Variants in RBM23 observed in about 807,000 individuals in gnomAD.
RBM23 encodes RNA binding motif protein 23, also known as probable RNA-binding protein 23.
A neutral mutation model predicts 56.2 loss-of-function variants in RBM23; 53 were observed. The ratio of observed to expected loss-of-function variants is 0.94; its 90% CI spans 0.76 to 1.19. The LOEUF is 1.19. RBM23 is among the 50% of genes most tolerant of loss of function. The probability of loss-of-function intolerance (pLI) is 0.00; values close to 1 mark genes in which losing one functional copy is unlikely to be tolerated. For missense variants in RBM23, 642 were observed against 590.3 expected (o/e 1.09, Z -0.91); for synonymous variants, 197 against 198.5 (o/e 0.99, Z 0.06).
chr14:22,916,877 T>C (rs759025473), intron 1 of RBM23, among the ~76,000 whole-genome samples: 8 of 151,364 alleles, frequency 5.3e-5, no homozygotes, highest in Non-Finnish European at 8.8e-5. Flanking sequence ...AGTTTGTTTT[T>C]GTTTTTTTTT....
chr14:22,901,784 G>A lies in RBM23; in HGVS notation c.1316+30C>T, dbSNP rs537873603. 7.4e-6 allele frequency: 12 copies of A among 1,614,056 alleles called. No homozygotes were observed. The African/African-American group carries it at 1.6e-4, about 22-fold the overall frequency. On this transcript the variant is annotated intron_variant, in intron 13 of 13. Transcript: ENST00000359890. ...AGCCAAAGGAAAGAGAATAATCAAAGGCTAGAATGAGCTAGACCCTGAGAC... is the reference window on the plus strand; with the variant it reads ...AGCCAAAGGAAAGAGAATAATCAAAAGCTAGAATGAGCTAGACCCTGAGAC...
intron 4 of RBM23, among the ~76,000 whole-genome samples, chr14:22,907,701 G>A (rs1249175368): frequency 1.3e-5 from 2 of 152,034 alleles, no homozygotes; most frequent in African/African-American, 2.4e-5. Flanking sequence ...CTTCTACTTC[G>A]GTTAACTATA....
Position 22,905,528 on chromosome 14 carries a change from C to T in RBM23, c.456-75G>A, listed in dbSNP as rs563318158. The T allele has an allele frequency of 1.0e-5, 16 of 1,597,348 alleles. No homozygotes were observed. In the South Asian group the frequency reaches 1.8e-4, roughly 18 times the overall value. ...TTCTCCAGCTAACCCTCAAGTATTACACATTCCTGTAATTTGGCTCAAATA... is the reference window on the plus strand; with the variant it reads ...TTCTCCAGCTAACCCTCAAGTATTATACATTCCTGTAATTTGGCTCAAATA... On this transcript the variant is annotated intron_variant, in intron 6 of 13. Transcript: ENST00000359890.
intron 3 of RBM23, chr14:22,908,602 C>G: frequency 2.3e-6 from 1 of 443,726 alleles, no homozygotes; most frequent in Non-Finnish European, 4.0e-6. Flanking sequence ...CTATGTTGGC[C>G]AGGTTCATCT....
Position 22,905,229 on chromosome 14 carries a change from G to T in RBM23, c.591C>A (p.Ile197=). Residue 197 remains isoleucine, a synonymous_variant, in exon 8 of 14, where the codon ATC becomes ATA. Transcript: ENST00000359890. Reference sequence around the variant, plus strand: ...AACGACGTGAGTTCCGATCTGAGATGATACGTACATCGCGAACCTATCCAG... The same window carrying T: ...AACGACGTGAGTTCCGATCTGAGATTATACGTACATCGCGAACCTATCCAG... The part of the protein sequence containing the change: ...SAVGKVRDVR[I]ISDRNSRRSK... 6.2e-7 allele frequency: 1 copy of T among 1,614,176 alleles called. No homozygotes were observed. The highest frequency in any genetic ancestry group is 8.5e-7 in the Non-Finnish European group (1 of 1,180,038).
At chr14:22,908,491 C>CATGG in intron 3 of RBM23, 111 bp from the exon 4 acceptor site, 1 of 1,217,170 alleles carries the variant, frequency 8.2e-7, no homozygotes, top group Non-Finnish European at 1.1e-6. Context: ...CTTCCAGGTT[C>CATGG]AAGCGATCCT....
At chr14:22,907,622 C>T (rs1009076362) in intron 4 of RBM23, among the ~76,000 whole-genome samples, 5 of 152,172 alleles carry the variant, frequency 3.3e-5, no homozygotes, top group African/African-American at 1.2e-4. Context: ...ACAGTATATA[C>T]TTCACGATAA....
Position 22,900,919 on chromosome 14 carries a change from AG to A in RBM23, c.*810del, listed in dbSNP as rs2040409425. The A allele has an allele frequency of 6.6e-6, 1 of 152,212 alleles. No individual in the cohort carries two copies. Among genetic ancestry groups the A allele is most frequent in the African/African-American group, 2.4e-5 (1 of 41,440 alleles). 9.4% of individuals were successfully genotyped at this position (152,212 alleles called of 1,614,324 possible). On this transcript the variant is annotated 3_prime_UTR_variant, in exon 14 of 14. Transcript: ENST00000359890. ...GGTTGAGGCCACAGTAGAGGCACACAGGAAGTGGTAGAGTAGCAGCCTCCCT... is the reference window on the plus strand; with the variant it reads ...GGTTGAGGCCACAGTAGAGGCACACAGAAGTGGTAGAGTAGCAGCCTCCCT...
rs148742362 is a variant in RBM23 at position 22,910,554 on chromosome 14, AAAGCAAGC to A, written c.66+766_66+773del. On this transcript the variant is annotated intron_variant, in intron 2 of 13. Coordinates refer to ENST00000359890, the MANE Select transcript of RBM23 (RefSeq NM_001077351.2). ...TGGGAGGAGAGGGCAGAGGGAGGGAAAAGCAAGCAAGCAAGCAAGCAAATTGCTGTTAA... is the reference window on the plus strand; with the variant it reads ...TGGGAGGAGAGGGCAGAGGGAGGGAAAAGCAAGCAAGCAAATTGCTGTTAA... 1.6e-3 allele frequency among the ~76,000 whole-genome samples: 234 copies of A among 150,834 alleles called. 1 individual carries two copies. Among genetic ancestry groups the A allele is most frequent in the Non-Finnish European group, 2.5e-3 (167 of 67,660 alleles).
At chr14:22,910,070 T>C (rs537425810) in intron 2 of RBM23, among the ~76,000 whole-genome samples, 8 of 141,936 alleles carry the variant, frequency 5.6e-5, no homozygotes, top group African/African-American at 2.1e-4. Context: ...GGAGAATCAT[T>C]TGAATCTGGG....
chr14:22,910,026 G>A (rs967817506), intron 2 of RBM23, among the ~76,000 whole-genome samples: 4 of 151,708 alleles, frequency 2.6e-5, no homozygotes, highest in Non-Finnish European at 4.4e-5. Flanking sequence ...AGTGGCACAC[G>A]CCTGTAGTCC....
chr14:22,905,091 C>T lies in RBM23; in HGVS notation c.726+3G>A. On this transcript the variant is annotated splice_donor_region_variant and intron_variant, in intron 8 of 13. Transcript: ENST00000359890. Reference sequence around the variant, plus strand: ...TCTTATGTCTGTTTCTCAGCCTGCTCACCTGTGAAGCCTGTACAATGATAG... The same window carrying T: ...TCTTATGTCTGTTTCTCAGCCTGCTTACCTGTGAAGCCTGTACAATGATAG... 2 of 1,614,074 alleles carry T rather than the reference C, an allele frequency of 1.2e-6. No individual in the cohort carries two copies. The highest frequency in any genetic ancestry group is 1.7e-6 in the Non-Finnish European group (2 of 1,179,938).
intron 4 of RBM23, 125 bp from the exon 5 acceptor site, chr14:22,906,493 C>T (rs2041588795): frequency 8.9e-7 from 1 of 1,117,978 alleles, no homozygotes; most frequent in Middle Eastern, 2.0e-4. Context: ...AGTGATGTTA[C>T]AGCCACTGTA....
At chr14:22,903,252 A>T (rs2040934570) in intron 10 of RBM23, 1 of 985,348 alleles carries the variant, frequency 1.0e-6, no homozygotes, top group Admixed American at 6.1e-5. Flanking sequence ...TTTTATCAGC[A>T]GCACCCAGCA....
chr14:22,901,853 T>C lies in RBM23; in HGVS notation c.1277A>G (p.Gln426Arg), dbSNP rs2040538056. Residue 426 changes from glutamine (Q) to arginine (R), a missense_variant, in exon 13 of 14, where the codon CAG (glutamine) becomes CGG (arginine). Coordinates refer to ENST00000359890, the MANE Select transcript of RBM23 (RefSeq NM_001077351.2). ...AAAGAGGCTGGAGAGCTGGAAACACTGGGAGGCAAGGTTCAGGGCTGGACT... is the reference window on the plus strand; with the variant it reads ...AAAGAGGCTGGAGAGCTGGAAACACCGGGAGGCAAGGTTCAGGGCTGGACT... ...ALSPALNLAS[Q>R]CFQLSSLFTP... 3.7e-6 allele frequency: 6 copies of C among 1,614,140 alleles called. No homozygotes were observed. Among genetic ancestry groups the C allele is most frequent in the Non-Finnish European group, 5.1e-6 (6 of 1,180,014 alleles).
chr14:22,910,089 G>T (rs988443505), intron 2 of RBM23, among the ~76,000 whole-genome samples: 2 of 141,472 alleles, frequency 1.4e-5, no homozygotes, highest in African/African-American at 5.3e-5. Flanking sequence ...GGAGGCAAAG[G>T]TTGCAGTAAC....
chr14:22,910,450 C>CAAAAAAAAA (rs546748436), intron 2 of RBM23, among the ~76,000 whole-genome samples: 3 of 71,156 alleles, frequency 4.2e-5, no homozygotes, highest in African/African-American at 6.4e-5. Flanking sequence ...AACTTCATCT[C>CAAAAAAAAA]AAAAAAAAAA....
intron 4 of RBM23, among the ~76,000 whole-genome samples, chr14:22,906,603 T>C (rs1000938717): frequency 5.3e-5 from 8 of 152,198 alleles, no homozygotes; most frequent in African/African-American, 1.9e-4. Flanking sequence ...CACATCCAAT[T>C]ATGTACAAAG....
At chr14:22,911,511 T>C (rs2042517798) in intron 1 of RBM23, 108 bp from the exon 2 acceptor site, 4 of 879,510 alleles carry the variant, frequency 4.5e-6, no homozygotes, top group Middle Eastern at 5.8e-4. Context: ...GATATACAGA[T>C]TTCAGTTCTG....
Sources: allele counts gnomAD v4.1 joint callset (sites outside exome capture counted in the v4.1 genomes callset), GRCh38; gene constraint gnomAD v4.1.1; transcripts MANE v1.5; gene names NCBI Gene and HGNC (gene_info 2026-07-23, HGNC 2026-07-21).